Variants in KLHL6 observed in about 807,000 individuals in gnomAD.
KLHL6 encodes the protein kelch like family member 6.
In KLHL6, 41 loss-of-function variants were observed where a neutral mutation model predicts 58.6. That is an observed-to-expected ratio of 0.70 (90% confidence interval 0.55 to 0.91). KLHL6 has a LOEUF of 0.91. KLHL6 is among the 40% of genes least tolerant of loss of function. The pLI is 0.00. For synonymous variants in KLHL6, 338 were observed against 322.7 expected (o/e 1.05, Z -0.51); for missense variants, 714 against 805.6 (o/e 0.89, Z 1.38).
chr3:183,537,051 C>CTA (rs1022148247), intron 1 of KLHL6, among the ~76,000 whole-genome samples: 2 of 152,182 alleles, frequency 1.3e-5, no homozygotes, highest in Non-Finnish European at 2.9e-5. Context: ...TTTTCTGCCA[C>CTA]TTAAATACAC....
chr3:183,499,929 G>A lies in KLHL6; in HGVS notation c.910-102C>T, dbSNP rs752118296. 1.9e-5 allele frequency: 15 copies of A among 773,008 alleles called. No individual in the cohort carries two copies. The highest frequency in any genetic ancestry group is 3.2e-5 in the Admixed American group (1 of 31,182). 47.9% of individuals were successfully genotyped at this position (773,008 alleles called of 1,614,324 possible). A position where few individuals can be genotyped will look rare whatever the true frequency, so the allele number is the denominator to read the frequency against. On this transcript the variant is annotated intron_variant, in intron 3 of 6. Coordinates refer to ENST00000341319, the MANE Select transcript of KLHL6 (RefSeq NM_130446.4). The surrounding 1 kb of genome is among the most constrained non-coding windows in gnomAD (Gnocchi z 4.6). ...CGGGTCCAATTCCCATATCTGCCAC[G>A]GTATGACCATGTGACTTCACCTCCC... is the stretch of plus-strand genomic sequence containing the variant.
intron 1 of KLHL6, among the ~76,000 whole-genome samples, chr3:183,547,242 A>T (rs1257469222): frequency 6.6e-6 from 1 of 152,156 alleles, no homozygotes; most frequent in Non-Finnish European, 1.5e-5. Context: ...CACTTAGGAC[A>T]ACTATTTGTA....
intron 2 of KLHL6, among the ~76,000 whole-genome samples, chr3:183,524,268 CT>C (rs1425779177): frequency 6.6e-6 from 1 of 152,164 alleles, no homozygotes; most frequent in Non-Finnish European, 1.5e-5. Flanking sequence ...AAAGGGAGAC[CT>C]TTGGCTTCTC....
At chr3:183,527,822 A>G (rs1028204422) in intron 2 of KLHL6, 23 bp downstream of exon 2, 1 of 1,612,412 alleles carries the variant, frequency 6.2e-7, no homozygotes, top group Non-Finnish European at 8.5e-7. Context: ...AGAGAAGAGC[A>G]CTGAGCCAGT....
intron 1 of KLHL6, among the ~76,000 whole-genome samples, chr3:183,534,231 G>A (rs1049679062): frequency 1.4e-5 from 2 of 139,296 alleles, no homozygotes; most frequent in Non-Finnish European, 3.1e-5. Flanking sequence ...TAAAGAATCT[G>A]CTCTCAGAGA....
At chr3:183,552,133 A>G (rs1347295437) in intron 1 of KLHL6, 1 of 152,178 alleles carries the variant, frequency 6.6e-6, no homozygotes, top group Non-Finnish European at 1.5e-5. Flanking sequence ...ACCCCAATGA[A>G]AGAGAAGTTG....
chr3:183,499,781 T>A lies in KLHL6; in HGVS notation c.956A>T (p.Glu319Val), dbSNP rs1717821837. 6.2e-7 allele frequency: 1 copy of A among 1,606,012 alleles called. No homozygotes were observed. Among genetic ancestry groups the A allele is most frequent in the Non-Finnish European group, 8.5e-7 (1 of 1,176,484 alleles). The change falls in exon 4 of 7, where the codon GAG (glutamate) becomes GTG (valine). Residue 319 changes from glutamate to valine, a missense_variant. Coordinates refer to ENST00000341319, the MANE Select transcript of KLHL6 (RefSeq NM_130446.4). The surrounding 1 kb of genome is among the most constrained non-coding windows in gnomAD (Gnocchi z 4.6). The stretch of plus-strand genomic sequence containing the variant: ...GCAGCCGCCAATGATCATGAACACC[T>A]CAGACTGGAACTCATGCATCCTGGG... ...TKPRMHEFQS[E>V]VFMIIGGCTK...
rs531561185 is a variant in KLHL6 at position 183,488,475 on chromosome 3, T to A, written c.*3452A>T. ...TCCGATATCATTTTCCAGACCTGCA[T>A]CCTTGGAACCTGACCTCCTCCTACC... On this transcript the variant is annotated 3_prime_UTR_variant, in exon 7 of 7. Coordinates refer to ENST00000341319, the MANE Select transcript of KLHL6 (RefSeq NM_130446.4). The A allele has an allele frequency of 6.5e-6, 1 of 152,940 alleles. No individual in the cohort carries two copies. Among genetic ancestry groups the A allele is most frequent in the African/African-American group, 2.4e-5 (1 of 41,580 alleles). The allele number at this position is 152,940 out of a possible 1,614,324, so 9.5% of individuals were successfully genotyped here.
chr3:183,523,816 G>C (rs1291784988), intron 2 of KLHL6, among the ~76,000 whole-genome samples: 1 of 152,104 alleles, frequency 6.6e-6, no homozygotes, highest in Non-Finnish European at 1.5e-5. Context: ...CTGGAGCGCA[G>C]TGGCGCAATC....
intron 1 of KLHL6, among the ~76,000 whole-genome samples, chr3:183,539,185 A>G (rs1046727809): frequency 7.9e-5 from 12 of 152,176 alleles, no homozygotes; most frequent in African/African-American, 2.9e-4. Context: ...TCATGGAAAC[A>G]ATTGGCCATA....
intron 2 of KLHL6, among the ~76,000 whole-genome samples, chr3:183,525,260 T>TAAAA (rs144357979): frequency 2.8e-5 from 4 of 143,942 alleles, no homozygotes; most frequent in African/African-American, 7.7e-5. Context: ...TGAGACTCTC[T>TAAAA]AAAAAAAAAA....
At chr3:183,519,078 C>T (rs1577189167) in intron 2 of KLHL6, among the ~76,000 whole-genome samples, 2 of 152,200 alleles carry the variant, frequency 1.3e-5, no homozygotes, top group Non-Finnish European at 2.9e-5. Flanking sequence ...TCCGGTATGG[C>T]AGCAGCAGAT....
At chr3:183,554,592 C>G (rs1713041221) in intron 1 of KLHL6, among the ~76,000 whole-genome samples, 2 of 152,204 alleles carry the variant, frequency 1.3e-5, no homozygotes, top group Non-Finnish European at 2.9e-5. Flanking sequence ...TTTCCCTTTC[C>G]CCACACTGCC....
In KLHL6 at chr3:183,555,504, G is replaced by C; in HGVS notation, c.150C>G (p.Asp50Glu). ...GAAGAATTAAGGAGAGTCCCGCGTC[G>C]TCAAATTTGACCTTTTCCCCATTTA... is the stretch of plus-strand genomic sequence containing the variant. ...EILNGEKVKF[D>E]DAGLSLILQN... Residue 50 changes from aspartate (D) to glutamate (E), a missense_variant, in exon 1 of 7, where the codon GAC (aspartate) becomes GAG (glutamate). By Grantham distance (45) the Asp-to-Glu change is conservative (BLOSUM62 2). Coordinates refer to ENST00000341319, the MANE Select transcript of KLHL6 (RefSeq NM_130446.4). The C allele has an allele frequency of 6.2e-7, 1 of 1,614,118 alleles. No individual in the cohort carries two copies. Among genetic ancestry groups the C allele is most frequent in the Non-Finnish European group, 8.5e-7 (1 of 1,180,016 alleles).
rs772192214 is a variant in KLHL6, at chr3:183,508,040, CCT to C, written c.909+17_909+18del. On this transcript the variant is annotated intron_variant, in intron 3 of 6. Transcript: ENST00000341319. ...CTTACTTCGCTGGTTAAATATAGCACCTCTTATCTTCTACTCACCTCATTGCC... is the reference window on the plus strand; with the variant it reads ...CTTACTTCGCTGGTTAAATATAGCACCTTATCTTCTACTCACCTCATTGCC... The C allele has an allele frequency of 6.2e-7, 1 of 1,604,960 alleles. No homozygotes were observed. Among genetic ancestry groups the C allele is most frequent in the Non-Finnish European group, 8.5e-7 (1 of 1,173,600 alleles).
At position 183,492,644 on chromosome 3, in the gene KLHL6, C is replaced by T. The variant is rs1167218227; in HGVS notation, c.1414G>A (p.Val472Met). The T allele has an allele frequency of 6.2e-7, 1 of 1,614,042 alleles. No individual in the cohort carries two copies. Among genetic ancestry groups the T allele is most frequent in the Non-Finnish European group, 8.5e-7 (1 of 1,180,050 alleles). The change falls in exon 6 of 7, where the codon GTG becomes ATG. Residue 472 changes from valine (V) to methionine (M), a missense_variant. By Grantham distance (21) the Val-to-Met change is conservative. Transcript: ENST00000341319. The surrounding 1 kb of genome is among the most constrained non-coding windows in gnomAD (Gnocchi z 5.9). Reference sequence around the variant, plus strand: ...TTCCCATTGGGCCCTCCCCCGATCACATACAGCTTCTTCTTATGGCTGGTG... The same window carrying T: ...TTCCCATTGGGCCCTCCCCCGATCATATACAGCTTCTTCTTATGGCTGGTG... ...AATSHKKKLY[V>M]IGGGPNGKLA...
chr3:183,491,633 G>A lies in KLHL6; in HGVS notation c.*294C>T, dbSNP rs1309813475. Reference sequence around the variant, plus strand: ...ATAAGAGCCAGTCACCAGGTTAAATGAACCGATAAAAGGAAGTGCCTGGCA... The same window carrying A: ...ATAAGAGCCAGTCACCAGGTTAAATAAACCGATAAAAGGAAGTGCCTGGCA... On this transcript the variant is annotated 3_prime_UTR_variant, in exon 7 of 7. Transcript: ENST00000341319. The A allele has an allele frequency of 3.2e-6, 1 of 308,598 alleles. No individual in the cohort carries two copies. The highest frequency in any genetic ancestry group is 5.9e-6 in the Non-Finnish European group (1 of 168,580). The allele number at this position is 308,598 out of a possible 1,614,324, so 19.1% of individuals were successfully genotyped here.
rs761531481 is a variant in KLHL6 at position 183,492,140 on chromosome 3, G to A, written c.1653C>T (p.Cys551=). The change falls in exon 7 of 7, where the codon TGC becomes TGT. Residue 551 remains cysteine, a synonymous_variant. Coordinates refer to ENST00000341319, the MANE Select transcript of KLHL6 (RefSeq NM_130446.4). The surrounding 1 kb of genome is among the most constrained non-coding windows in gnomAD (Gnocchi z 5.9). ...GCCGGTTGTTGCAGGGCGCGATACC[G>A]CAGCTGGCCCGCTCGTGGCTGAGCT... ...VTQLSHERAS[C]GIAPCNNRLY... is the part of the protein sequence containing the mutation. The A allele has an allele frequency of 5.0e-6, 8 of 1,613,632 alleles. No homozygotes were observed. The highest frequency in any genetic ancestry group is 4.4e-5 in the South Asian group (4 of 91,076).
At chr3:183,543,737 T>C (rs905643708) in intron 1 of KLHL6, among the ~76,000 whole-genome samples, 5 of 152,114 alleles carry the variant, frequency 3.3e-5, no homozygotes, top group African/African-American at 1.2e-4. Flanking sequence ...TCCAATAAGG[T>C]CTTACTGGAC....
Sources: allele counts gnomAD v4.1 joint callset (sites outside exome capture counted in the v4.1 genomes callset), GRCh38; gene constraint gnomAD v4.1.1; non-coding constraint Gnocchi (gnomAD v3.1); transcripts MANE v1.5; gene names NCBI Gene and HGNC (gene_info 2026-07-23, HGNC 2026-07-21).